The following CHN1 variants were observed in gnomAD, a reference collection of about 807,000 sequenced individuals.
CHN1 encodes the protein N-chimaerin.
Under a neutral mutation model 59.5 loss-of-function variants are expected in CHN1, and 37 were observed. The ratio of observed to expected loss-of-function variants is 0.62; its 90% CI spans 0.48 to 0.82. The LOEUF is 0.82. Among genes scored for constraint, CHN1 ranks in the 40% least tolerant of loss-of-function variants. The pLI, the probability that CHN1 is intolerant of heterozygous loss-of-function variation, is 0.00. For synonymous variants in CHN1, 206 were observed against 200.4 expected (o/e 1.03, Z -0.24); for missense variants, 469 against 571.0 (o/e 0.82, Z 1.82).
At chr2:174,823,391 C>A (rs373171879) in intron 8 of CHN1, among the ~76,000 whole-genome samples, 1 of 152,120 alleles carries the variant, frequency 6.6e-6, no homozygotes, top group Non-Finnish European at 1.5e-5. Context: ...GGGCTGGGTG[C>A]GGTGGCTCAC....
intron 5 of CHN1, among the ~76,000 whole-genome samples, chr2:174,889,149 A>C (rs566058235): frequency 3.9e-5 from 6 of 152,314 alleles, no homozygotes; most frequent in Non-Finnish European, 8.8e-5. Context: ...GAAATTACAC[A>C]CACAAGCCCA....
chr2:174,840,902 G>T (rs1686277580), intron 7 of CHN1, among the ~76,000 whole-genome samples: 2 of 152,058 alleles, frequency 1.3e-5, no homozygotes, highest in Non-Finnish European at 2.9e-5. Context: ...AGATATAGTA[G>T]AAAGCTTGAA....
intron 1 of CHN1, among the ~76,000 whole-genome samples, chr2:174,971,827 CAG>C (rs1690768178): frequency 6.6e-6 from 1 of 152,148 alleles, no homozygotes; most frequent in South Asian, 2.1e-4. Flanking sequence ...ACAAGGCAAA[CAG>C]TGTCATCCTA....
At chr2:174,936,713 T>C (rs1204287748) in intron 3 of CHN1, among the ~76,000 whole-genome samples, 2 of 152,166 alleles carry the variant, frequency 1.3e-5, no homozygotes, top group Admixed American at 6.5e-5. Flanking sequence ...CATTACTTTA[T>C]GGGTGATAAG....
intron 6 of CHN1, among the ~76,000 whole-genome samples, chr2:174,870,479 T>C (rs1687373555): frequency 6.6e-6 from 1 of 152,130 alleles, no homozygotes; most frequent in African/African-American, 2.4e-5. Flanking sequence ...AAAGGAGAAA[T>C]GATTCCAAAT....
Position 174,919,436 on chromosome 2 carries a change from A to T in CHN1, c.115-871T>A, listed in dbSNP as rs1281290296. 3.4e-5 allele frequency among the ~76,000 whole-genome samples: 5 copies of T among 145,810 alleles called. No homozygotes were observed. The East Asian group carries it at 7.9e-4, about 23-fold the overall frequency. On this transcript the variant is annotated intron_variant, in intron 3 of 12. Coordinates refer to ENST00000409900, the MANE Select transcript of CHN1 (RefSeq NM_001822.7). ...AACTCCGACTGTTCATAGGAACAGC[A>T]AAAAAGCTTTTCCCTAGTAGGTACT...
chr2:174,864,076 G>A (rs889973707), intron 6 of CHN1, among the ~76,000 whole-genome samples: 2 of 152,054 alleles, frequency 1.3e-5, no homozygotes, highest in African/African-American at 4.8e-5. Flanking sequence ...CATAGAAAAT[G>A]ATAAACTGAC....
chr2:174,822,957 A>G (rs1421795147), intron 8 of CHN1, among the ~76,000 whole-genome samples: 3 of 151,858 alleles, frequency 2.0e-5, no homozygotes, highest in Admixed American at 6.5e-5. Context: ...GAATGGTGAT[A>G]TATGCCTGGA....
Position 174,839,157 on chromosome 2 carries a change from T to C in CHN1, c.627+7723A>G, listed in dbSNP as rs574823339. 4.6e-5 allele frequency among the ~76,000 whole-genome samples: 7 copies of C among 152,302 alleles called. No homozygotes were observed. The East Asian group carries it at 1.3e-3, about 29-fold the overall frequency. ...AAATTGAGCTAATTAATGTAAGCAT[T>C]ACCTCACATATTTTTTGTAGTGAGA... On this transcript the variant is annotated intron_variant, in intron 7 of 12. Coordinates refer to ENST00000409900, the MANE Select transcript of CHN1 (RefSeq NM_001822.7).
intron 1 of CHN1, among the ~76,000 whole-genome samples, chr2:174,988,154 C>T (rs1004940216): frequency 6.6e-6 from 1 of 151,962 alleles, no homozygotes; most frequent in Non-Finnish European, 1.5e-5. Flanking sequence ...GTCAGGAGAT[C>T]GAGACCATCC....
chr2:174,826,423 C>T (rs1245110591), intron 7 of CHN1, among the ~76,000 whole-genome samples: 2 of 152,170 alleles, frequency 1.3e-5, no homozygotes, highest in Non-Finnish European at 2.9e-5. Flanking sequence ...AATTGTGAAG[C>T]TACTTTTAGA....
chr2:174,816,219 T>C (rs961017554), intron 8 of CHN1, among the ~76,000 whole-genome samples: 4 of 152,144 alleles, frequency 2.6e-5, no homozygotes, highest in Non-Finnish European at 5.9e-5. Flanking sequence ...GCTTCTACTA[T>C]AGGGTGGAGA....
intron 4 of CHN1, among the ~76,000 whole-genome samples, chr2:174,915,893 C>A (rs1304367402): frequency 6.6e-6 from 1 of 152,132 alleles, no homozygotes; most frequent in Non-Finnish European, 1.5e-5. Flanking sequence ...ATTTTTATAG[C>A]GATTTACAAT....
chr2:174,933,184 A>G (rs1340423221), intron 3 of CHN1, among the ~76,000 whole-genome samples: 2 of 152,196 alleles, frequency 1.3e-5, no homozygotes, highest in Non-Finnish European at 2.9e-5. Context: ...ATATGTGTGT[A>G]TATATATAGG....
chr2:174,832,661 G>T (rs539760564), intron 7 of CHN1, among the ~76,000 whole-genome samples: 2 of 152,024 alleles, frequency 1.3e-5, no homozygotes, highest in South Asian at 4.2e-4. Flanking sequence ...TGTTGTGGTT[G>T]GAGGATATGC....
chr2:174,880,985 G>A (rs182425453), intron 5 of CHN1, among the ~76,000 whole-genome samples: 1 of 150,942 alleles, frequency 6.6e-6, no homozygotes, highest in East Asian at 2.0e-4. Flanking sequence ...GGTGGAGGTT[G>A]TGGTGAGCCA....
At chr2:174,933,906 A>G (rs2105391240) in intron 3 of CHN1, among the ~76,000 whole-genome samples, 1 of 152,328 alleles carries the variant, frequency 6.6e-6, no homozygotes, top group East Asian at 1.9e-4. Flanking sequence ...TGGATGTGAC[A>G]GTGGAAGTTT....
Position 174,939,179 on chromosome 2 carries a change from C to T in CHN1, c.114+5709G>A, listed in dbSNP as rs115757483. 4.4e-3 allele frequency among the ~76,000 whole-genome samples: 674 copies of T among 152,284 alleles called. 6 individuals carry two copies. The highest frequency in any genetic ancestry group is 0.015 in the African/African-American group (635 of 41,554). On this transcript the variant is annotated intron_variant, in intron 3 of 12. Coordinates refer to ENST00000409900, the MANE Select transcript of CHN1 (RefSeq NM_001822.7). ...AGGAAATTATTTTCAGAGACTCTAA[C>T]ATCCATCTATTCATCCAGTATATTA...
chr2:174,880,966 A>C (rs1258149972), intron 5 of CHN1, among the ~76,000 whole-genome samples: 1 of 151,816 alleles, frequency 6.6e-6, no homozygotes, highest in Non-Finnish European at 1.5e-5. Flanking sequence ...GAATTGCTTG[A>C]ATCTGGGAGG....
Sources: gnomAD v4.1 joint callset for allele counts (sites outside exome capture counted in the v4.1 genomes callset) on GRCh38, gnomAD v4.1.1 for gene constraint, MANE v1.5 for transcripts, NCBI Gene and HGNC (gene_info 2026-07-23, HGNC 2026-07-21) for gene names.